Variants in PSD3 observed in about 807,000 individuals in gnomAD.
The protein encoded by PSD3 is pleckstrin and Sec7 domain containing 3, also known as PH and SEC7 domain-containing protein 3.
In PSD3, 49 loss-of-function variants were observed where a neutral mutation model predicts 105.5. The ratio of observed to expected loss-of-function variants is 0.46; its 90% CI spans 0.37 to 0.59. PSD3 has a LOEUF of 0.59. Ranked by LOEUF, PSD3 falls within the 20% of genes least tolerant of loss-of-function variation. The probability of loss-of-function intolerance (pLI) is 0.00; values close to 1 mark genes in which losing one functional copy is unlikely to be tolerated. For missense variants in PSD3, 1,561 were observed against 1,263.8 expected (o/e 1.24, Z -3.57); for synonymous variants, 557 against 457.8 (o/e 1.22, Z -2.77).
chr8:18,987,138 A>G (rs1586581830), intron 1 of PSD3, among the ~76,000 whole-genome samples: 1 of 151,900 alleles, frequency 6.6e-6, no homozygotes, highest in African/African-American at 2.4e-5. Context: ...TTTTCACTCC[A>G]CCCTTTTGTT....
At chr8:18,546,732 C>G (rs1290454960) in intron 15 of PSD3, among the ~76,000 whole-genome samples, 1 of 152,156 alleles carries the variant, frequency 6.6e-6, no homozygotes, top group Non-Finnish European at 1.5e-5. Flanking sequence ...GTCTCCAGAA[C>G]TTATGCATCT....
intron 9 of PSD3, among the ~76,000 whole-genome samples, chr8:18,666,671 G>T (rs1799479028): frequency 6.7e-6 from 1 of 150,080 alleles, no homozygotes; most frequent in South Asian, 2.1e-4. Context: ...CTAGCACTCA[G>T]CTGTAGCCTG....
rs889483904 is a variant in PSD3 at position 18,792,364 on chromosome 8, T to C, written c.2082+6931A>G. On this transcript the variant is annotated intron_variant, in intron 8 of 15. Transcript: ENST00000327040. ...AAGAAAATGTAGTACATATACACCA[T>C]GGAATGCCATGCAGCCACAAAAAGA... Among the ~76,000 whole-genome samples, 5 of 152,230 alleles carry C rather than the reference T, an allele frequency of 3.3e-5. No individual in the cohort carries two copies. The East Asian group carries it at 5.8e-4, about 18-fold the overall frequency.
chr8:18,771,200 G>A (rs895022832), intron 8 of PSD3, among the ~76,000 whole-genome samples: 1 of 152,148 alleles, frequency 6.6e-6, no homozygotes, highest in Non-Finnish European at 1.5e-5. Flanking sequence ...TTTGGAAAAG[G>A]CAACATTTGA....
chr8:18,600,725 G>A (rs887842571), intron 11 of PSD3, among the ~76,000 whole-genome samples: 2 of 152,162 alleles, frequency 1.3e-5, no homozygotes, highest in African/African-American at 4.8e-5. Flanking sequence ...ACTAGGAAGA[G>A]TAGAAGGCTG....
chr8:18,733,946 G>A (rs1803960101), intron 9 of PSD3: 3 of 152,230 alleles, frequency 2.0e-5, no homozygotes, highest in African/African-American at 7.2e-5. Flanking sequence ...AACCACAGAT[G>A]AAAGGAACTG....
intron 4 of PSD3, among the ~76,000 whole-genome samples, chr8:18,837,219 C>T (rs532110221): frequency 4.6e-5 from 7 of 152,126 alleles, no homozygotes; most frequent in East Asian, 1.9e-4. Context: ...AGATAGACAG[C>T]GAATGTGAGA....
At chr8:18,908,276 T>C (rs996080511) in intron 2 of PSD3, among the ~76,000 whole-genome samples, 3 of 152,216 alleles carry the variant, frequency 2.0e-5, no homozygotes, top group East Asian at 1.9e-4. Context: ...AGTAAGACTT[T>C]TGGAAATATA....
chr8:18,715,062 T>C (rs1194812109), intron 9 of PSD3, among the ~76,000 whole-genome samples: 1 of 152,102 alleles, frequency 6.6e-6, no homozygotes, highest in African/African-American at 2.4e-5. Flanking sequence ...TTCTCACTCA[T>C]AAGTGGGAGA....
chr8:18,845,569 C>T (rs980011836), intron 4 of PSD3, among the ~76,000 whole-genome samples: 3 of 152,200 alleles, frequency 2.0e-5, no homozygotes, highest in African/African-American at 7.2e-5. Flanking sequence ...GCCGCTGGAC[C>T]TCTTTCACTC....
chr8:18,671,100 T>C (rs1383097987), intron 9 of PSD3, among the ~76,000 whole-genome samples: 1 of 152,178 alleles, frequency 6.6e-6, no homozygotes, highest in Non-Finnish European at 1.5e-5. Context: ...AGGACGATGC[T>C]GTATAACACA....
chr8:18,847,040 T>C (rs568154029), intron 4 of PSD3, among the ~76,000 whole-genome samples: 24 of 152,272 alleles, frequency 1.6e-4, no homozygotes, highest in African/African-American at 5.8e-4. Context: ...ATGTCCTGGA[T>C]AAGCAAGAGT....
At chr8:18,541,715 T>G (rs1450606115) in intron 15 of PSD3, among the ~76,000 whole-genome samples, 2 of 152,068 alleles carry the variant, frequency 1.3e-5, no homozygotes, top group African/African-American at 4.8e-5. Context: ...TATTACACTT[T>G]TGAGGTTCAT....
At chr8:18,845,990 C>A (rs942629170) in intron 4 of PSD3, among the ~76,000 whole-genome samples, 1 of 152,118 alleles carries the variant, frequency 6.6e-6, no homozygotes, top group African/African-American at 2.4e-5. Flanking sequence ...ATGAGCCTAG[C>A]GAAAGCATTC....
chr8:18,817,915 A>G (rs548982004), intron 4 of PSD3, among the ~76,000 whole-genome samples: 2 of 152,292 alleles, frequency 1.3e-5, no homozygotes, highest in East Asian at 1.9e-4. Flanking sequence ...AACTAAAACC[A>G]TGATTACTAA....
intron 2 of PSD3, among the ~76,000 whole-genome samples, chr8:18,905,941 T>A (rs117699104): frequency 0.046 from 6,991 of 152,318 alleles, 199 homozygotes; most frequent in Admixed American, 0.081. Context: ...GGTTCTTTGA[T>A]CTTTCTAGAA....
chr8:18,902,780 G>A (rs1156323248), intron 2 of PSD3, among the ~76,000 whole-genome samples: 1 of 152,166 alleles, frequency 6.6e-6, no homozygotes, highest in African/African-American at 2.4e-5. Flanking sequence ...TGCATTCAAT[G>A]TCAGCAATAA....
intron 1 of PSD3, among the ~76,000 whole-genome samples, chr8:18,938,396 C>G (rs542694042): frequency 6.6e-6 from 1 of 151,508 alleles, no homozygotes; most frequent in Middle Eastern, 3.2e-3. Context: ...CTGGGGTGGG[C>G]GCACCACTTG....
intron 9 of PSD3, among the ~76,000 whole-genome samples, chr8:18,712,249 G>A (rs776036420): frequency 6.6e-5 from 10 of 151,406 alleles, no homozygotes; most frequent in Admixed American, 3.3e-4. Flanking sequence ...CTCAAAGCCC[G>A]CAGAAGACAA....
Sources: gnomAD v4.1 joint callset for allele counts (sites outside exome capture counted in the v4.1 genomes callset) on GRCh38, gnomAD v4.1.1 for gene constraint, MANE v1.5 for transcripts, NCBI Gene and HGNC (gene_info 2026-07-23, HGNC 2026-07-21) for gene names.